The following CDH22 variants were observed in gnomAD, a reference collection of about 807,000 sequenced individuals.
The protein encoded by CDH22 is cadherin-22.
CDH22 carries 30 observed loss-of-function variants against 58.4 expected under a neutral mutation model. The observed-to-expected ratio is 0.51, with a 90% confidence interval of 0.38 to 0.70. The LOEUF (loss-of-function observed/expected upper bound fraction) is 0.70, where lower values mean the gene tolerates loss of function less well. Ranked by LOEUF, CDH22 falls within the 30% of genes least tolerant of loss-of-function variation. The pLI is 0.00. For synonymous variants in CDH22, 513 were observed against 558.2 expected (o/e 0.92, Z 1.14); for missense variants, 1,014 against 1,233.9 (o/e 0.82, Z 2.67).
intron 2 of CDH22, among the ~76,000 whole-genome samples, chr20:46,242,621 C>T (rs2086299940): frequency 6.6e-6 from 1 of 152,130 alleles, no homozygotes. Flanking sequence ...CCTGCTGGGC[C>T]AGGCAGGAAC....
In CDH22 at chr20:46,186,941, T is replaced by C. The variant is rs2085830828; in HGVS notation, c.1430A>G (p.His477Arg). 1.9e-6 allele frequency: 3 copies of C among 1,592,936 alleles called. No homozygotes were observed. Among genetic ancestry groups the C allele is most frequent in the Non-Finnish European group, 2.6e-6 (3 of 1,170,006 alleles). Residue 477 changes from histidine to arginine, a missense_variant, in exon 9 of 12, where the codon CAT (histidine) becomes CGT (arginine). Transcript: ENST00000537909. ...ITVLAMEADNHAQLSRASLRI... is the reference protein window; with the variant it reads ...ITVLAMEADNRAQLSRASLRI... ...TAGGGATGCCCGGGATAGCTGTGCA[T>C]GATTGTCTGTAATGAGAGCACAGGA...
chr20:46,274,807 G>A (rs2086509227), intron 1 of CDH22, among the ~76,000 whole-genome samples: 2 of 139,912 alleles, frequency 1.4e-5, no homozygotes, highest in African/African-American at 5.3e-5. Context: ...AACATTATGT[G>A]CAATGAAATG....
At chr20:46,218,927 C>T (rs1454915839) in intron 4 of CDH22, among the ~76,000 whole-genome samples, 7 of 152,138 alleles carry the variant, frequency 4.6e-5, no homozygotes, top group African/African-American at 7.2e-5. Flanking sequence ...GGGGCCTGTG[C>T]GCCAGGTGGA....
rs567871190 is a variant in CDH22, at chr20:46,217,191, CATACAG to C, written c.671-204_671-199del. Among the ~76,000 whole-genome samples the C allele has an allele frequency of 3.5e-3, 532 of 152,236 alleles. 4 individuals are homozygous for C. The highest frequency in any genetic ancestry group is 0.012 in the African/African-American group (511 of 41,510). On this transcript the variant is annotated intron_variant, in intron 4 of 11. Coordinates refer to ENST00000537909, the MANE Select transcript of CDH22 (RefSeq NM_021248.3). ...TACACCACACACACTCACACACGCT[CATACAG>C]ATACAGATACACATGCCCACACAGA...
At chr20:46,306,057 C>T (rs142388643) in intron 1 of CDH22, among the ~76,000 whole-genome samples, 24 of 152,370 alleles carry the variant, frequency 1.6e-4, no homozygotes, top group African/African-American at 5.5e-4. Context: ...AAACTTTGTC[C>T]TCTGCTTCTG....
chr20:46,219,782 G>A (rs977633126), intron 4 of CDH22: 2 of 152,242 alleles, frequency 1.3e-5, no homozygotes, highest in African/African-American at 4.8e-5. Flanking sequence ...ATATGTGGAA[G>A]GTCCTGTGAT....
chr20:46,262,411 C>T lies in CDH22; in HGVS notation c.-399-10718G>A, dbSNP rs533120386. On this transcript the variant is annotated intron_variant, in intron 1 of 11. Transcript: ENST00000537909. ...ACCTGGGGCCCCCAGTCTTGCCCCC[C>T]GCCCCAGGCTATATGTCGAACATGC... Among the ~76,000 whole-genome samples the T allele has an allele frequency of 3.7e-4, 57 of 152,170 alleles. 1 individual carries two copies. Among genetic ancestry groups the T allele is most frequent in the Middle Eastern group, 3.4e-3 (1 of 294 alleles).
Position 46,282,504 on chromosome 20 carries a change from T to C in CDH22, c.-400+25751A>G, listed in dbSNP as rs143564402. Among the ~76,000 whole-genome samples, 527 of 152,136 alleles carry C rather than the reference T, an allele frequency of 3.5e-3. 8 individuals carry two copies. The highest frequency in any genetic ancestry group is 0.021 in the Admixed American group (319 of 15,292). ...ACAGCCAGAATAAAATCAGGGCAAA[T>C]AGAATAAAACCTGACAGCCAAGTGT... On this transcript the variant is annotated intron_variant, in intron 1 of 11. Coordinates refer to ENST00000537909, the MANE Select transcript of CDH22 (RefSeq NM_021248.3).
intron 1 of CDH22, among the ~76,000 whole-genome samples, chr20:46,302,239 A>T (rs1600731671): frequency 6.6e-6 from 1 of 152,174 alleles, no homozygotes; most frequent in South Asian, 2.1e-4. Context: ...CTCAGCCTCC[A>T]CACTATCAAC....
chr20:46,188,347 T>C (rs920771692), intron 8 of CDH22, among the ~76,000 whole-genome samples: 1 of 152,184 alleles, frequency 6.6e-6, no homozygotes, highest in Non-Finnish European at 1.5e-5. Flanking sequence ...GCCAGGTCAT[T>C]TGACCTCCCT....
intron 3 of CDH22, among the ~76,000 whole-genome samples, chr20:46,232,435 G>A (rs2086226056): frequency 6.6e-6 from 1 of 152,142 alleles, no homozygotes; most frequent in African/African-American, 2.4e-5. Flanking sequence ...CCCTGGGTGT[G>A]GGAGACCCCT....
chr20:46,228,320 G>A (rs567249927), intron 3 of CDH22, among the ~76,000 whole-genome samples: 3 of 152,280 alleles, frequency 2.0e-5, no homozygotes, highest in Admixed American at 2.0e-4. Flanking sequence ...CTCCCCCTGG[G>A]TGCCCAGACA....
Position 46,178,112 on chromosome 20 carries a change from G to C in CDH22, c.1749C>G (p.Asp583Glu), listed in dbSNP as rs1287560739. The change falls in exon 11 of 12, where the codon GAC becomes GAG. Residue 583 changes from aspartate (D) to glutamate (E), a missense_variant. Coordinates refer to ENST00000537909, the MANE Select transcript of CDH22 (RefSeq NM_021248.3). Reference sequence around the variant, plus strand: ...TGCTGCTCAGTGTGGGCGGCCCACTGTCTACCACCAGGATGGGCAGGAAGA... The same window carrying C: ...TGCTGCTCAGTGTGGGCGGCCCACTCTCTACCACCAGGATGGGCAGGAAGA... ...DVFFLPILVV[D>E]SGPPTLSSTG... 2 of 1,613,896 alleles carry C rather than the reference G, an allele frequency of 1.2e-6. No individual in the cohort carries two copies. The highest frequency in any genetic ancestry group is 1.7e-6 in the Non-Finnish European group (2 of 1,179,974).
At chr20:46,190,669 A>C (rs556338015) in intron 8 of CDH22, among the ~76,000 whole-genome samples, 1 of 152,374 alleles carries the variant, frequency 6.6e-6, no homozygotes, top group Admixed American at 6.5e-5. Flanking sequence ...AAACTAATTG[A>C]TGCAGCCTTG....
At chr20:46,290,845 G>T (rs1216389490) in intron 1 of CDH22, among the ~76,000 whole-genome samples, 8 of 152,164 alleles carry the variant, frequency 5.3e-5, no homozygotes, top group African/African-American at 4.8e-5. Context: ...CAGGGTCTAT[G>T]GGGGGTGTGT....
chr20:46,255,480 T>A (rs1199994898), intron 1 of CDH22, among the ~76,000 whole-genome samples: 1 of 151,868 alleles, frequency 6.6e-6, no homozygotes, highest in Non-Finnish European at 1.5e-5. Flanking sequence ...AGTGTCGGAG[T>A]CACAACTGGC....
rs376156631 is a variant in CDH22 at position 46,186,672 on chromosome 20, C to T, written c.1579G>A (p.Glu527Lys). ...IQTISVVDRD[E>K]PQGGHRFYFR... is the part of the protein sequence containing the mutation. ...TAGAAGCGGTGCCCGCCTTGGGGCT[C>T]GTCTCTGTCCACCACGCTGATGGTC... is the stretch of plus-strand genomic sequence containing the variant. Residue 527 changes from glutamate (E) to lysine (K), a missense_variant, in exon 10 of 12, where the codon GAG becomes AAG. By Grantham distance (56) the Glu-to-Lys change is moderately conservative. Around this residue, in one of 2 missense-constraint regions of CDH22, gnomAD observed 806 missense variants for 1,038.7 expected, o/e 0.78. Coordinates refer to ENST00000537909, the MANE Select transcript of CDH22 (RefSeq NM_021248.3). The T allele has an allele frequency of 2.7e-5, 43 of 1,613,850 alleles. No individual in the cohort carries two copies. Among genetic ancestry groups the T allele is most frequent in the Non-Finnish European group, 3.3e-5 (39 of 1,179,966 alleles).
intron 1 of CDH22, among the ~76,000 whole-genome samples, chr20:46,255,738 C>T (rs1489801228): frequency 6.6e-6 from 1 of 152,174 alleles, no homozygotes; most frequent in Non-Finnish European, 1.5e-5. Context: ...CTTCCTTTTC[C>T]TGCTCCAGCT....
intron 7 of CDH22, among the ~76,000 whole-genome samples, chr20:46,204,507 T>G (rs1374681848): frequency 6.6e-6 from 1 of 152,168 alleles, no homozygotes; most frequent in African/African-American, 2.4e-5. Flanking sequence ...AAGATGGTTC[T>G]TGGTGTACAG....
Sources: gnomAD v4.1 joint callset for allele counts (sites outside exome capture counted in the v4.1 genomes callset) on GRCh38, gnomAD v4.1.1 for gene constraint, gnomAD v4.1.1 regional missense constraint, MANE v1.5 for transcripts, NCBI Gene and HGNC (gene_info 2026-07-23, HGNC 2026-07-21) for gene names.